Variants in PLCXD1 observed in about 807,000 individuals in gnomAD.
PLCXD1 encodes phosphatidylinositol specific phospholipase C X domain containing 1, also known as PI-PLC X domain-containing protein 1.
PLCXD1 carries 45 observed loss-of-function variants against 37.8 expected under a neutral mutation model. The ratio of observed to expected loss-of-function variants is 1.19; its 90% CI spans 0.94 to 1.53. PLCXD1 has a LOEUF of 1.53. Ranked by LOEUF, PLCXD1 falls within the 40% of genes most tolerant of loss-of-function variation. The pLI, the probability that PLCXD1 is intolerant of heterozygous loss-of-function variation, is 0.00. For synonymous variants in PLCXD1, 246 were observed against 206.9 expected (o/e 1.19, Z -1.62); for missense variants, 539 against 454.7 (o/e 1.19, Z -1.69).
At chrX:293,313 G>C in intron 6 of PLCXD1, 95 bp downstream of exon 6, 1 of 933,274 alleles carries the variant, frequency 1.1e-6, no homozygotes, top group Non-Finnish European at 1.7e-6. Flanking sequence ...TCACTTTTAC[G>C]TGAAAACAAT....
At position 302,751 on chromosome X, in the gene PLCXD1, T is replaced by G. The variant is rs1390068117; in HGVS notation, c.*3416T>G. 6.6e-6 allele frequency: 1 copy of G among 152,266 alleles called. No individual in the cohort carries two copies. Among genetic ancestry groups the G allele is most frequent in the Admixed American group, 6.5e-5 (1 of 15,276 alleles). The allele number at this position is 152,266 out of a possible 1,614,324, so 9.4% of individuals were successfully genotyped here. On this transcript the variant is annotated 3_prime_UTR_variant, in exon 7 of 7. Coordinates refer to ENST00000381657, the MANE Select transcript of PLCXD1 (RefSeq NM_018390.4). ...ACCACGCCCGGATAATTTTTGTGTG[T>G]TTAGCAGAGACGGGGTTTCACCATG...
At chrX:282,800 C>G (rs2069310026) in intron 1 of PLCXD1, among the ~76,000 whole-genome samples, 1 of 148,150 alleles carries the variant, frequency 6.7e-6, no homozygotes, top group Middle Eastern at 3.6e-3. Flanking sequence ...TGGAAAGGGT[C>G]ACTTCCCTTA....
At chrX:283,235 G>C (rs2069331712) in intron 1 of PLCXD1, 1 of 145,660 alleles carries the variant, frequency 6.9e-6, no homozygotes, top group African/African-American at 2.5e-5. Flanking sequence ...ACTGCAGCCT[G>C]GGCAACAAGA....
Position 293,087 on chromosome X carries a change from CCTAT to C in PLCXD1, c.603_606del (p.Tyr202LysfsTer24). ...TCCCGGGGCCAACAGGTCATCGTCTCCTATGAAGACGAGAGCTCCTTGCGCCGGC... is the reference window on the plus strand; with the variant it reads ...TCCCGGGGCCAACAGGTCATCGTCTCGAAGACGAGAGCTCCTTGCGCCGGC... On this transcript the variant is annotated frameshift_variant, in exon 6 of 7. Transcript: ENST00000381657. LOFTEE classifies it high-confidence loss of function. The C allele has an allele frequency of 6.2e-7, 1 of 1,611,478 alleles. No homozygotes were observed. Among genetic ancestry groups the C allele is most frequent in the Non-Finnish European group, 8.5e-7 (1 of 1,179,296 alleles).
At chrX:294,571 T>C (rs1258712616) in intron 6 of PLCXD1, among the ~76,000 whole-genome samples, 1 of 149,236 alleles carries the variant, frequency 6.7e-6, no homozygotes, top group South Asian at 2.1e-4. Context: ...CGGAGGTTGC[T>C]GTGATCCATG....
intron 2 of PLCXD1, among the ~76,000 whole-genome samples, chrX:286,837 C>A (rs2069462486): frequency 6.6e-6 from 1 of 152,012 alleles, no homozygotes; most frequent in Admixed American, 6.6e-5. Flanking sequence ...TTGCTTTCTC[C>A]TGTCTTATAA....
intron 1 of PLCXD1, among the ~76,000 whole-genome samples, chrX:282,402 CA>C (rs60605627): frequency 0.53 from 78,388 of 148,832 alleles, 20,806 homozygotes; most frequent in East Asian, 0.63. Flanking sequence ...CAAAACAAAA[CA>C]AAAAAAAAAC....
At chrX:287,798 C>T (rs1158044286) in intron 2 of PLCXD1, among the ~76,000 whole-genome samples, 3 of 150,644 alleles carry the variant, frequency 2.0e-5, no homozygotes, top group African/African-American at 7.3e-5. Context: ...ATAACAACTA[C>T]GTGTCATAGG....
Position 301,629 on chromosome X carries a change from A to G in PLCXD1, c.*2294A>G, listed in dbSNP as rs2070018794. On this transcript the variant is annotated 3_prime_UTR_variant, in exon 7 of 7. Coordinates refer to ENST00000381657, the MANE Select transcript of PLCXD1 (RefSeq NM_018390.4). ...CAGCTAATTATTTAGTAGTAGTAGG[A>G]GGAGTATTATGTTTGAGATGGAGTC... The G allele has an allele frequency of 6.6e-6, 1 of 151,984 alleles. No individual in the cohort carries two copies. Among genetic ancestry groups the G allele is most frequent in the South Asian group, 2.1e-4 (1 of 4,812 alleles). The allele number at this position is 151,984 out of a possible 1,614,324, so 9.4% of individuals were successfully genotyped here.
At chrX:286,748 A>G (rs1323934910) in intron 2 of PLCXD1, among the ~76,000 whole-genome samples, 1 of 152,228 alleles carries the variant, frequency 6.6e-6, no homozygotes, top group East Asian at 1.9e-4. Flanking sequence ...ATGGATTGAT[A>G]TTATTTTAAC....
chrX:279,492 C>T (rs995569163), upstream of PLCXD1, among the ~76,000 whole-genome samples: 2 of 152,146 alleles, frequency 1.3e-5, no homozygotes, highest in African/African-American at 4.8e-5. Flanking sequence ...TATTATTAGG[C>T]CGGGCACGGT....
At chrX:291,369 C>A in intron 4 of PLCXD1, 130 bp from the exon 5 acceptor site, 1 of 957,942 alleles carries the variant, frequency 1.0e-6, no homozygotes, top group Non-Finnish European at 1.6e-6. Context: ...TGGTCTCAAA[C>A]TCCTAACCTC....
chrX:278,839 C>T (rs2069205218), upstream of PLCXD1, among the ~76,000 whole-genome samples: 1 of 151,660 alleles, frequency 6.6e-6, no homozygotes, highest in African/African-American at 2.4e-5. Flanking sequence ...GGTCGGAGGA[C>T]ATCTTGGTAT....
At chrX:298,923 G>T (rs1569564721) in intron 6 of PLCXD1, among the ~76,000 whole-genome samples, 174 bp from the exon 7 acceptor site, 1 of 152,146 alleles carries the variant, frequency 6.6e-6, no homozygotes, top group Non-Finnish European at 1.5e-5. Flanking sequence ...CATCTTTGGG[G>T]TTGTCTACTG....
At position 300,243 on chromosome X, in the gene PLCXD1, A is replaced by G. The variant is rs12401270; in HGVS notation, c.*908A>G. On this transcript the variant is annotated 3_prime_UTR_variant, in exon 7 of 7. Coordinates refer to ENST00000381657, the MANE Select transcript of PLCXD1 (RefSeq NM_018390.4). ...TTGCTGTGGCGTCTGGAGCCCTTAC[A>G]GACCCAGGGAGACACTATCCTCCCA... 57,561 of 151,458 alleles carry G rather than the reference A, an allele frequency of 0.38. 12,264 individuals carry two copies. The highest frequency in any genetic ancestry group is 0.61 in the East Asian group (3,125 of 5,108). The allele number at this position is 151,458 out of a possible 1,614,324, so 9.4% of individuals were successfully genotyped here.
At chrX:290,429 C>CA (rs56084430) in intron 3 of PLCXD1, among the ~76,000 whole-genome samples, 43 of 126,274 alleles carry the variant, frequency 3.4e-4, no homozygotes, top group African/African-American at 5.5e-4. Context: ...GACTCCGTCT[C>CA]AAAAAAAAAA....
chrX:286,788 G>T (rs977950647), intron 2 of PLCXD1, among the ~76,000 whole-genome samples: 4 of 152,162 alleles, frequency 2.6e-5, no homozygotes, highest in African/African-American at 9.7e-5. Flanking sequence ...TGCCAAGGTT[G>T]TCTGGCTATT....
At chrX:287,352 AT>A (rs2069479528) in intron 2 of PLCXD1, among the ~76,000 whole-genome samples, 1 of 144,534 alleles carries the variant, frequency 6.9e-6, no homozygotes, top group African/African-American at 2.5e-5. Context: ...GTGGATATAT[AT>A]TTTATATATT....
At chrX:296,287 A>T (rs2069805077) in intron 6 of PLCXD1, among the ~76,000 whole-genome samples, 1 of 151,666 alleles carries the variant, frequency 6.6e-6, no homozygotes, top group Non-Finnish European at 1.5e-5. Context: ...TGCTGAGCTA[A>T]TTTTTGGATG....
Sources: allele counts gnomAD v4.1 joint callset (sites outside exome capture counted in the v4.1 genomes callset), GRCh38; gene constraint gnomAD v4.1.1; transcripts MANE v1.5; gene names NCBI Gene and HGNC (gene_info 2026-07-23, HGNC 2026-07-21).